Variants in PRAMEF17 observed in about 807,000 individuals in gnomAD.
PRAMEF17 encodes the protein PRAME family member 17.
PRAMEF17 carries 48 observed loss-of-function variants against 36.8 expected under a neutral mutation model. The observed-to-expected ratio is 1.30, with a 90% CI of 1.03 to 1.66. The LOEUF is 1.66. Among genes scored for constraint, PRAMEF17 ranks in the 40% most tolerant of loss-of-function variants. The pLI is 0.00. For synonymous variants in PRAMEF17, 246 were observed against 220.4 expected, an observed-to-expected ratio of 1.12 and a Z score of -1.03; for missense variants, 639 against 560.6, an observed-to-expected ratio of 1.14 and a Z score of -1.41.
chr1:13,390,608 GC>G lies in PRAMEF17; in HGVS notation c.556del (p.Gln186ArgfsTer14). The G allele has an allele frequency of 6.2e-7, 1 of 1,612,030 alleles. No individual in the cohort carries two copies. Among genetic ancestry groups the G allele is most frequent in the Non-Finnish European group, 8.5e-7 (1 of 1,179,872 alleles). On this transcript the variant is annotated frameshift_variant, in exon 2 of 3. Transcript: ENST00000376098. LOFTEE classifies it high-confidence loss of function. ...TAGTGCACCTGTGTTGTAATAAGGT[GC>G]AGAATTACTCAATGCCCACTTCAAG... ...GLVHLCCNKV[Q>X]NYSMPTSSFR...
chr1:13,392,075 G>A lies in PRAMEF17; in HGVS notation c.998G>A (p.Trp333Ter), dbSNP rs1288171566. 1.9e-6 allele frequency: 3 copies of A among 1,611,764 alleles called. No individual in the cohort carries two copies. The highest frequency in any genetic ancestry group is 2.5e-6 in the Non-Finnish European group (3 of 1,179,778). The change falls in exon 3 of 3, where the codon TGG becomes TAG. Residue 333 changes from tryptophan (W) to a stop codon, truncating the protein, a stop_gained. Coordinates refer to ENST00000376098, the MANE Select transcript of PRAMEF17 (RefSeq NM_001099851.3). LOFTEE classifies it high-confidence loss of function. ...CTGCATCTGATTCATATCCTAATGT[G>A]GACTACCAATCTTGAGCCCCTTGGA... ...KELHLIHILM[W>*]TTNLEPLGAL...
rs878905302 is a variant in PRAMEF17, at chr1:13,389,835, C to T, written c.178C>T (p.Pro60Ser). Residue 60 changes from proline to serine, a missense_variant, in exon 1 of 3, where the codon CCC (proline) becomes TCC (serine). By Grantham distance (74) the Pro-to-Ser change is moderately conservative. Transcript: ENST00000376098. ...EALKLMVQAW[P>S]FLRLPLGSLM... ...CCTGAAGCTGATGGTGCAGGCCTGG[C>T]CCTTCCTCCGCCTCCCTCTGGGATC... 3.3e-4 allele frequency: 527 copies of T among 1,612,682 alleles called. 1 individual carries two copies. The African/African-American group carries it at 4.2e-3, about 13-fold the overall frequency.
chr1:13,389,756 G>A lies in PRAMEF17; in HGVS notation c.99G>A (p.Arg33=). 1 of 1,612,488 alleles carries A rather than the reference G, an allele frequency of 6.2e-7. No homozygotes were observed. Among genetic ancestry groups the A allele is most frequent in the Non-Finnish European group, 8.5e-7 (1 of 1,180,018 alleles). Residue 33 remains arginine (R), a synonymous_variant, in exon 1 of 3, where the codon AGG becomes AGA. Coordinates refer to ENST00000376098, the MANE Select transcript of PRAMEF17 (RefSeq NM_001099851.3). ...LTIFILDELP[R]EVFPLMFMEA... ...TCTTCATCCTGGACGAGCTGCCCAG[G>A]GAGGTCTTCCCTCTGATGTTCATGG...
At position 13,390,660 on chromosome 1, in the gene PRAMEF17, T is replaced by C; in HGVS notation, c.607T>C (p.Tyr203His). 2 of 1,610,738 alleles carry C rather than the reference T, an allele frequency of 1.2e-6. No homozygotes were observed. Among genetic ancestry groups the C allele is most frequent in the Non-Finnish European group, 1.7e-6 (2 of 1,178,824 alleles). Residue 203 changes from tyrosine to histidine, a missense_variant, in exon 2 of 3, where the codon TAC becomes CAC. By Grantham distance (83) the Tyr-to-His change is moderately conservative. Coordinates refer to ENST00000376098, the MANE Select transcript of PRAMEF17 (RefSeq NM_001099851.3). ...SSFRNLLKRV[Y>H]PDSIQELEIK... ...TTTCAGAAATTTATTGAAAAGGGTA[T>C]ACCCAGACAGTATCCAGGAGTTGGA...
Position 13,390,756 on chromosome 1 carries a change from C to T in PRAMEF17, c.703C>T (p.Arg235Cys), listed in dbSNP as rs1163979327. The T allele has an allele frequency of 1.1e-5, 17 of 1,611,980 alleles. No homozygotes were observed. The highest frequency in any genetic ancestry group is 4.0e-5 in the African/African-American group (3 of 74,968). ...TTACTTGAGCCAGATGAGCAATCTT[C>T]GCAAACTCTTTTTAGCCTTCGGTTA... ...APYLSQMSNLRKLFLAFGYDD... is the reference protein window; with the variant it reads ...APYLSQMSNLCKLFLAFGYDD... The change falls in exon 2 of 3, where the codon CGC (arginine) becomes TGC (cysteine). Residue 235 changes from arginine to cysteine, a missense_variant. Physicochemically the swap from Arg to Cys is radical, Grantham distance 180. Coordinates refer to ENST00000376098, the MANE Select transcript of PRAMEF17 (RefSeq NM_001099851.3).
Sources: allele counts gnomAD v4.1 joint callset, GRCh38; gene constraint gnomAD v4.1.1; transcripts MANE v1.5; gene names NCBI Gene and HGNC (gene_info 2026-07-23, HGNC 2026-07-21).